Variants in RERG observed in about 807,000 individuals in gnomAD.
RERG encodes ras-related and estrogen-regulated growth inhibitor.
In RERG, 25 loss-of-function variants were observed where a neutral mutation model predicts 23.2. That is an observed-to-expected ratio of 1.08 (90% CI 0.79 to 1.50). RERG has a LOEUF of 1.50. RERG is among the 40% of genes most tolerant of loss of function. RERG has a pLI of 0.00. For missense variants in RERG, 253 were observed against 250.1 expected, an observed-to-expected ratio of 1.01 and a Z score of -0.08; for synonymous variants, 81 against 89.1, an observed-to-expected ratio of 0.91 and a Z score of 0.51.
intron 2 of RERG, among the ~76,000 whole-genome samples, chr12:15,183,731 T>A: frequency 6.6e-6 from 1 of 152,148 alleles, no homozygotes; most frequent in South Asian, 2.1e-4. Flanking sequence ...TTGTAGTTTG[T>A]CCCAAATCCA....
At chr12:15,198,731 G>A (rs1865178132) in intron 2 of RERG, among the ~76,000 whole-genome samples, 1 of 152,106 alleles carries the variant, frequency 6.6e-6, no homozygotes, top group Non-Finnish European at 1.5e-5. Context: ...CCTTCTAGAA[G>A]CCACTTAACA....
At chr12:15,109,569 A>G in intron 4 of RERG, 52 bp from the exon 5 acceptor site, 1 of 1,421,124 alleles carries the variant, frequency 7.0e-7, no homozygotes, top group Non-Finnish European at 9.6e-7. Context: ...ATCAAAATAT[A>G]TGGATGCTGG....
intron 2 of RERG, among the ~76,000 whole-genome samples, chr12:15,140,271 G>T (rs1480781563): frequency 3.9e-5 from 6 of 151,970 alleles, no homozygotes; most frequent in Admixed American, 3.9e-4. Flanking sequence ...TCTCCCATTT[G>T]GGGGTTAGCA....
At chr12:15,168,554 T>C (rs1044129323) in intron 2 of RERG, among the ~76,000 whole-genome samples, 1 of 152,230 alleles carries the variant, frequency 6.6e-6, no homozygotes, top group Non-Finnish European at 1.5e-5. Flanking sequence ...GATCTCCTTC[T>C]TCCTGGTGTC....
At chr12:15,203,687 C>T (rs1244057697) in intron 2 of RERG, among the ~76,000 whole-genome samples, 4 of 151,642 alleles carry the variant, frequency 2.6e-5, no homozygotes, top group Non-Finnish European at 4.4e-5. Flanking sequence ...ACCAAAAACA[C>T]TCTTAGAACT....
intron 2 of RERG, among the ~76,000 whole-genome samples, chr12:15,199,917 T>G (rs911746808): frequency 3.9e-5 from 6 of 152,044 alleles, no homozygotes; most frequent in East Asian, 3.9e-4. Flanking sequence ...AAAATGAAAC[T>G]CCTTCATTGT....
intron 2 of RERG, among the ~76,000 whole-genome samples, chr12:15,209,106 A>G (rs1429227555): frequency 6.6e-6 from 1 of 152,212 alleles, no homozygotes; most frequent in Non-Finnish European, 1.5e-5. Context: ...GACTGAGTGT[A>G]TTCATCTGGC....
chr12:15,134,839 G>C (rs1349101495), intron 2 of RERG, among the ~76,000 whole-genome samples: 1 of 152,082 alleles, frequency 6.6e-6, no homozygotes, highest in African/African-American at 2.4e-5. Context: ...TGAAACTCCT[G>C]ATCTCAAGTG....
intron 2 of RERG, among the ~76,000 whole-genome samples, chr12:15,204,907 A>G (rs944572799): frequency 6.6e-6 from 1 of 151,946 alleles, no homozygotes. Flanking sequence ...ATTTTCAAAC[A>G]GGCCTTGGGC....
At chr12:15,196,630 G>A (rs1379135359) in intron 2 of RERG, among the ~76,000 whole-genome samples, 2 of 152,114 alleles carry the variant, frequency 1.3e-5, no homozygotes, top group Non-Finnish European at 2.9e-5. Flanking sequence ...AGCGATTGGT[G>A]AGCATTTAGT....
At chr12:15,154,682 T>A (rs1303763431) in intron 2 of RERG, among the ~76,000 whole-genome samples, 1 of 152,224 alleles carries the variant, frequency 6.6e-6, no homozygotes, top group Non-Finnish European at 1.5e-5. Context: ...CTCGTTGGTC[T>A]CCTGCCAAAT....
In RERG at chr12:15,217,542, T is replaced by C. The variant is rs1865459945; in HGVS notation, c.-53A>G. 26 of 1,269,906 alleles carry C rather than the reference T, an allele frequency of 2.0e-5. No homozygotes were observed. In the South Asian group the frequency reaches 3.1e-4, roughly 15 times the overall value. 78.7% of individuals were successfully genotyped at this position (1,269,906 alleles called of 1,614,324 possible). On this transcript the variant is annotated 5_prime_UTR_variant, in exon 2 of 5. Coordinates refer to ENST00000256953, the MANE Select transcript of RERG (RefSeq NM_032918.3). ...TGTTAAAACTAAAGCACTGAGTAAA[T>C]CTTTTTGGTTCCAGTCTTTGGATTC...
At chr12:15,209,233 CGACATTTGTATCAGACTTGTAA>C (rs1468596428) in intron 2 of RERG, among the ~76,000 whole-genome samples, 1 of 152,044 alleles carries the variant, frequency 6.6e-6, no homozygotes, top group African/African-American at 2.4e-5. Context: ...ACTATTAAGC[CGACATTTGTATCAGACTTGTAA>C]TTTTTCAAAG....
At chr12:15,165,637 A>C (rs1354010804) in intron 2 of RERG, among the ~76,000 whole-genome samples, 1 of 152,200 alleles carries the variant, frequency 6.6e-6, no homozygotes, top group East Asian at 1.9e-4. Context: ...CTCTCCCCAG[A>C]TGAGCCTGGT....
intron 2 of RERG, among the ~76,000 whole-genome samples, chr12:15,184,589 T>A (rs1156909970): frequency 6.6e-6 from 1 of 152,172 alleles, no homozygotes; most frequent in Non-Finnish European, 1.5e-5. Flanking sequence ...ATCCGGATCA[T>A]TATTACAGGC....
At chr12:15,193,655 TG>T (rs916954620) in intron 2 of RERG, among the ~76,000 whole-genome samples, 2 of 152,166 alleles carry the variant, frequency 1.3e-5, no homozygotes, top group Admixed American at 1.3e-4. Context: ...GAAACTTTTA[TG>T]GGTCCACAAT....
chr12:15,141,181 A>C (rs113705566), intron 2 of RERG, among the ~76,000 whole-genome samples: 2,562 of 135,600 alleles, frequency 0.019, 37 homozygotes, highest in Non-Finnish European at 0.028. Flanking sequence ...TTTGAGATGG[A>C]TTCTCACTCT....
intron 2 of RERG, among the ~76,000 whole-genome samples, chr12:15,160,980 C>T (rs1224762792): frequency 6.6e-6 from 1 of 151,852 alleles, no homozygotes; most frequent in Non-Finnish European, 1.5e-5. Context: ...ACTAAAAATA[C>T]AAAAATTACT....
chr12:15,143,821 T>A (rs1299738253), intron 2 of RERG, among the ~76,000 whole-genome samples: 1 of 152,152 alleles, frequency 6.6e-6, no homozygotes, highest in Non-Finnish European at 1.5e-5. Context: ...GGTATCTTAT[T>A]TTAAGGAAGG....
Sources: allele counts gnomAD v4.1 joint callset (sites outside exome capture counted in the v4.1 genomes callset), GRCh38; gene constraint gnomAD v4.1.1; transcripts MANE v1.5; gene names NCBI Gene and HGNC (gene_info 2026-07-23, HGNC 2026-07-21).